CCDC38: variants seen among roughly 807,000 people sequenced by gnomAD.
The protein encoded by CCDC38 is coiled-coil domain-containing protein 38.
In CCDC38, 69 loss-of-function variants were observed where a neutral mutation model predicts 72.8. That is an observed-to-expected ratio of 0.95 (90% confidence interval 0.78 to 1.16). The LOEUF is 1.16. Among genes scored for constraint, CCDC38 ranks in the 50% most tolerant of loss-of-function variants. The pLI is 0.00. For missense variants in CCDC38, 626 were observed against 638.9 expected, an observed-to-expected ratio of 0.98 and a Z score of 0.22; for synonymous variants, 201 against 213.2, an observed-to-expected ratio of 0.94 and a Z score of 0.50.
intron 5 of CCDC38, among the ~76,000 whole-genome samples, chr12:95,904,736 G>A (rs2121488736): frequency 6.6e-6 from 1 of 152,284 alleles, no homozygotes; most frequent in Admixed American, 6.5e-5. Flanking sequence ...CCAGTCTCCA[G>A]ACCCTCTGAG....
chr12:95,913,863 T>G (rs2080118706), intron 4 of CCDC38, among the ~76,000 whole-genome samples: 1 of 144,840 alleles, frequency 6.9e-6, no homozygotes, highest in Admixed American at 6.9e-5. Context: ...AGGCCTTGGC[T>G]TGAATTCTGC....
intron 2 of CCDC38, among the ~76,000 whole-genome samples, chr12:95,921,241 T>A (rs1173196852): frequency 6.6e-6 from 1 of 152,252 alleles, no homozygotes; most frequent in Non-Finnish European, 1.5e-5. Flanking sequence ...TCTCTCTTTA[T>A]TTCTTTATTT....
chr12:95,881,352 T>A (rs546699435), intron 11 of CCDC38, 133 bp downstream of exon 11: 1 of 593,868 alleles, frequency 1.7e-6, no homozygotes, highest in Non-Finnish European at 2.9e-6. Context: ...TGGAGAATAG[T>A]ATCAAAATTA....
chr12:95,923,404 C>T (rs2080229938), intron 2 of CCDC38, among the ~76,000 whole-genome samples: 2 of 152,190 alleles, frequency 1.3e-5, no homozygotes, highest in South Asian at 2.1e-4. Flanking sequence ...CCCCAGACAT[C>T]CCAATATGGA....
chr12:95,895,035 C>T lies in CCDC38; in HGVS notation c.726G>A (p.Gln242=), dbSNP rs1318580115. 1 of 1,611,336 alleles carries T rather than the reference C, an allele frequency of 6.2e-7. No individual in the cohort carries two copies. The highest frequency in any genetic ancestry group is 1.3e-5 in the African/African-American group (1 of 74,770). ...TGATATTTGCTTTACTTTTTGATGC[C>T]TGTGCTCTTTTTAGTGCTTGCTGGA... ...WQIQQALKRA[Q]ASKSKANIIL... is the part of the protein sequence containing the mutation. Residue 242 remains glutamine (Q), a synonymous_variant, in exon 8 of 16, where the codon CAG becomes CAA. Transcript: ENST00000344280.
At chr12:95,888,826 T>C (rs1467819267) in intron 9 of CCDC38, among the ~76,000 whole-genome samples, 1 of 152,084 alleles carries the variant, frequency 6.6e-6, no homozygotes, top group Non-Finnish European at 1.5e-5. Flanking sequence ...TATAACTATA[T>C]ATCATTCGCC....
At chr12:95,919,594 T>C (rs1220356200) in intron 2 of CCDC38, 1 of 456,060 alleles carries the variant, frequency 2.2e-6, no homozygotes, top group East Asian at 6.9e-5. Context: ...CCTCTGTCTG[T>C]TTCCCACAGC....
At chr12:95,907,859 C>T (rs987789386) in intron 4 of CCDC38, among the ~76,000 whole-genome samples, 6 of 150,634 alleles carry the variant, frequency 4.0e-5, no homozygotes, top group East Asian at 2.0e-4. Flanking sequence ...CGGGCAGAGA[C>T]GCTCCTCACT....
chr12:95,867,651 C>T (rs900566229), intron 15 of CCDC38, among the ~76,000 whole-genome samples: 1 of 152,168 alleles, frequency 6.6e-6, no homozygotes, highest in Non-Finnish European at 1.5e-5. Context: ...ATCTTGAATA[C>T]TGGTTGGCTT....
chr12:95,881,281 T>G (rs530685312), intron 11 of CCDC38, among the ~76,000 whole-genome samples: 2 of 150,154 alleles, frequency 1.3e-5, no homozygotes, highest in Admixed American at 1.3e-4. Context: ...AATCATTACC[T>G]TCTTCTAGAT....
chr12:95,926,846 G>A (rs1170144996), intron 2 of CCDC38, among the ~76,000 whole-genome samples: 1 of 151,526 alleles, frequency 6.6e-6, no homozygotes, highest in Non-Finnish European at 1.5e-5. Flanking sequence ...ATGTAGTTGA[G>A]TGGTTTTGAG....
chr12:95,936,171 G>A (rs1749522776), intron 2 of CCDC38, among the ~76,000 whole-genome samples: 1 of 151,834 alleles, frequency 6.6e-6, no homozygotes, highest in South Asian at 2.1e-4. Flanking sequence ...GAAAGAAGAG[G>A]GCAGATTTTC....
chr12:95,927,191 G>A (rs1235774352), intron 2 of CCDC38, among the ~76,000 whole-genome samples: 4 of 152,058 alleles, frequency 2.6e-5, no homozygotes, highest in Non-Finnish European at 5.9e-5. Context: ...CTCTTTCTAG[G>A]TCGCTCAGGA....
chr12:95,896,043 A>G (rs2079884611), intron 7 of CCDC38, among the ~76,000 whole-genome samples: 1 of 147,246 alleles, frequency 6.8e-6, no homozygotes, highest in African/African-American at 2.5e-5. Context: ...GCGACAGAAC[A>G]AGACTCTGTC....
At chr12:95,881,111 G>A (rs1391190886) in intron 11 of CCDC38, among the ~76,000 whole-genome samples, 1 of 151,900 alleles carries the variant, frequency 6.6e-6, no homozygotes, top group Non-Finnish European at 1.5e-5. Context: ...CAATCTTGCA[G>A]CAATAAAGGG....
chr12:95,868,762 T>C (rs544979736), intron 15 of CCDC38, among the ~76,000 whole-genome samples: 59 of 151,516 alleles, frequency 3.9e-4, no homozygotes, highest in African/African-American at 1.4e-3. Flanking sequence ...CTGTGTAGAA[T>C]TGATGGACCA....
chr12:95,926,430 C>A (rs2080271599), intron 2 of CCDC38, among the ~76,000 whole-genome samples: 1 of 151,710 alleles, frequency 6.6e-6, no homozygotes, highest in Non-Finnish European at 1.5e-5. Context: ...ATTCTTCTCT[C>A]TTTTCTTCTT....
intron 2 of CCDC38, among the ~76,000 whole-genome samples, chr12:95,931,003 C>T (rs1426947467): frequency 6.6e-6 from 1 of 152,242 alleles, no homozygotes; most frequent in African/African-American, 2.4e-5. Flanking sequence ...TTTCTCTTCT[C>T]TGCCTCACTG....
At chr12:95,878,370 C>A in intron 12 of CCDC38, 24 bp from the exon 13 acceptor site, 1 of 1,602,594 alleles carries the variant, frequency 6.2e-7, no homozygotes, top group Admixed American at 1.7e-5. Flanking sequence ...AGAAAGAGAC[C>A]CTCATCTGAA....
Sources: allele counts gnomAD v4.1 joint callset (sites outside exome capture counted in the v4.1 genomes callset), GRCh38; gene constraint gnomAD v4.1.1; transcripts MANE v1.5; gene names NCBI Gene and HGNC (gene_info 2026-07-23, HGNC 2026-07-21).